The following SLC22A23 variants were observed in gnomAD, a reference collection of about 807,000 sequenced individuals.
The protein encoded by SLC22A23 is solute carrier family 22 member 23, also known as ion transporter protein.
In SLC22A23, 26 loss-of-function variants were observed where a neutral mutation model predicts 61.0. The ratio of observed to expected loss-of-function variants is 0.43; its 90% confidence interval spans 0.31 to 0.59. The LOEUF (loss-of-function observed/expected upper bound fraction) is 0.59, where lower values mean the gene tolerates loss of function less well. Ranked by LOEUF, SLC22A23 falls within the 20% of genes least tolerant of loss-of-function variation. SLC22A23 has a pLI of 0.11. For synonymous variants in SLC22A23, 430 were observed against 413.9 expected (o/e 1.04, Z -0.47); for missense variants, 796 against 934.7 (o/e 0.85, Z 1.94).
intron 1 of SLC22A23, among the ~76,000 whole-genome samples, chr6:3,448,572 C>A (rs1370329919): frequency 1.3e-5 from 2 of 152,122 alleles, no homozygotes. Flanking sequence ...CCGCTCACTG[C>A]AAGCTCCGCC....
rs146455324 is a variant in SLC22A23 at position 3,380,603 on chromosome 6, A to G, written c.913+29585T>C. On this transcript the variant is annotated intron_variant, in intron 3 of 9. Coordinates refer to ENST00000406686, the MANE Select transcript of SLC22A23 (RefSeq NM_015482.2). ...AAAACTCTATACACCCAAAGTCAAC[A>G]CTAACATCCTTTCATGCTAGTACTA... Among the ~76,000 whole-genome samples, 11 of 152,226 alleles carry G rather than the reference A, an allele frequency of 7.2e-5. No homozygotes were observed. In the East Asian group the frequency reaches 2.1e-3, roughly 29 times the overall value.
chr6:3,341,797 G>A (rs991772704), intron 3 of SLC22A23, among the ~76,000 whole-genome samples: 4 of 151,904 alleles, frequency 2.6e-5, no homozygotes, highest in Admixed American at 6.6e-5. Context: ...GCGGGGGAGC[G>A]CAGGAAACTG....
At chr6:3,311,993 A>AACGC (rs1762389360) in intron 4 of SLC22A23, 1 of 152,226 alleles carries the variant, frequency 6.6e-6, no homozygotes, top group Non-Finnish European at 1.5e-5. Context: ...ACTCAGGGCT[A>AACGC]ACGCTCACTG....
intron 2 of SLC22A23, among the ~76,000 whole-genome samples, chr6:3,413,809 C>T (rs1051730170): frequency 5.9e-5 from 9 of 152,098 alleles, no homozygotes; most frequent in Non-Finnish European, 1.2e-4. Flanking sequence ...AGTCAAATGC[C>T]AGAAAATGGA....
intron 3 of SLC22A23, among the ~76,000 whole-genome samples, chr6:3,395,849 A>G (rs1767969910): frequency 6.6e-6 from 1 of 152,240 alleles, no homozygotes; most frequent in Non-Finnish European, 1.5e-5. Context: ...CTGTTTCAGG[A>G]AAAGACTATT....
At chr6:3,281,031 C>G (rs928309798) in intron 9 of SLC22A23, among the ~76,000 whole-genome samples, 1 of 152,176 alleles carries the variant, frequency 6.6e-6, no homozygotes, top group African/African-American at 2.4e-5. Flanking sequence ...ATCACCAGCG[C>G]CTGCCTCCTC....
chr6:3,456,398 G>A lies in SLC22A23; in HGVS notation c.162C>T (p.Pro54=). The change falls in exon 1 of 10, where the codon CCC becomes CCT. Residue 54 remains proline (P), a synonymous_variant. Coordinates refer to ENST00000406686, the MANE Select transcript of SLC22A23 (RefSeq NM_015482.2). The surrounding 1 kb of genome is among the most constrained non-coding windows in gnomAD (Gnocchi z 7.1). ...GCGGGCCGCCTCCAGGATGCAGTGGGGGCAGCGGCTGGATCTCCGCGCCGC... is the reference window on the plus strand; with the variant it reads ...GCGGGCCGCCTCCAGGATGCAGTGGAGGCAGCGGCTGGATCTCCGCGCCGC... ...PGGGAEIQPL[P]PLHPGGGPHP... 6.7e-7 allele frequency: 1 copy of A among 1,497,926 alleles called. No individual in the cohort carries two copies. The highest frequency in any genetic ancestry group is 8.9e-7 in the Non-Finnish European group (1 of 1,119,928). 92.8% of individuals were successfully genotyped at this position (1,497,926 alleles called of 1,614,324 possible).
rs184445349 is a variant in SLC22A23 at position 3,329,702 on chromosome 6, C to T, written c.914-5700G>A. ...ACCACATGAGGTGGTCATGAGAAAA[C>T]GACACTCACGAAGCACTCGAGCGCA... On this transcript the variant is annotated intron_variant, in intron 3 of 9. Coordinates refer to ENST00000406686, the MANE Select transcript of SLC22A23 (RefSeq NM_015482.2). The surrounding 1 kb of genome is among the most constrained non-coding windows in gnomAD (Gnocchi z 4.8). 4.9e-4 allele frequency among the ~76,000 whole-genome samples: 75 copies of T among 152,252 alleles called. No individual in the cohort carries two copies. The highest frequency in any genetic ancestry group is 9.6e-4 in the Non-Finnish European group (65 of 68,014).
chr6:3,320,200 G>A (rs919838883), intron 4 of SLC22A23, among the ~76,000 whole-genome samples: 40 of 152,204 alleles, frequency 2.6e-4, no homozygotes, highest in African/African-American at 8.4e-4. Context: ...TTGACACCTG[G>A]GAACTTCCCC....
chr6:3,382,367 T>C (rs1390138456), intron 3 of SLC22A23, among the ~76,000 whole-genome samples: 1 of 152,262 alleles, frequency 6.6e-6, no homozygotes, highest in African/African-American at 2.4e-5. Flanking sequence ...ATGCATAACA[T>C]ACTGACCCTT....
At chr6:3,380,177 T>G (rs1312598629) in intron 3 of SLC22A23, among the ~76,000 whole-genome samples, 1 of 152,062 alleles carries the variant, frequency 6.6e-6, no homozygotes, top group African/African-American at 2.4e-5. Flanking sequence ...TAGGGGTGAG[T>G]GGCTTACCCA....
At chr6:3,445,050 T>G in intron 1 of SLC22A23, 1 of 878,734 alleles carries the variant, frequency 1.1e-6, no homozygotes, top group Non-Finnish European at 1.4e-6. Context: ...TTCCCAGTGT[T>G]CTGCGTCTGT....
chr6:3,363,212 A>G (rs963584731), intron 3 of SLC22A23, among the ~76,000 whole-genome samples: 4 of 152,226 alleles, frequency 2.6e-5, no homozygotes, highest in African/African-American at 9.6e-5. Context: ...TCTCCCCTCT[A>G]CCAAAGTCAG....
intron 9 of SLC22A23, among the ~76,000 whole-genome samples, chr6:3,273,900 T>C (rs1460165413): frequency 2.6e-5 from 4 of 152,202 alleles, no homozygotes; most frequent in Non-Finnish European, 5.9e-5. Flanking sequence ...TTGTCATAAC[T>C]GGAGAGACTG....
intron 5 of SLC22A23, among the ~76,000 whole-genome samples, chr6:3,293,273 G>A (rs1459599039): frequency 6.6e-6 from 1 of 152,196 alleles, no homozygotes; most frequent in Non-Finnish European, 1.5e-5. Flanking sequence ...AGAATGAAAG[G>A]GAAGAAGGGA....
At chr6:3,446,621 T>G (rs911487304) in intron 1 of SLC22A23, among the ~76,000 whole-genome samples, 1 of 152,130 alleles carries the variant, frequency 6.6e-6, no homozygotes, top group African/African-American at 2.4e-5. Context: ...GAGCTTCCAG[T>G]AGGACTTCCC....
intron 3 of SLC22A23, among the ~76,000 whole-genome samples, chr6:3,362,446 C>A (rs1765539672): frequency 8.6e-6 from 1 of 115,874 alleles, no homozygotes; most frequent in South Asian, 2.6e-4. Flanking sequence ...TAAAAATTAG[C>A]ATGCATTTTC....
intron 4 of SLC22A23, 104 bp downstream of exon 4, chr6:3,323,730 G>T: frequency 1.5e-6 from 2 of 1,301,922 alleles, no homozygotes; most frequent in Non-Finnish European, 2.1e-6. Context: ...ACCACAAGCT[G>T]CAACTAGTGG....
At chr6:3,394,973 T>C (rs1429610741) in intron 3 of SLC22A23, among the ~76,000 whole-genome samples, 2 of 152,030 alleles carry the variant, frequency 1.3e-5, no homozygotes, top group Admixed American at 6.6e-5. Flanking sequence ...AACCCAGTGA[T>C]GAAAAGCAGG....
Sources: gnomAD v4.1 joint callset for allele counts (sites outside exome capture counted in the v4.1 genomes callset) on GRCh38, gnomAD v4.1.1 for gene constraint, Gnocchi (gnomAD v3.1) non-coding constraint, MANE v1.5 for transcripts, NCBI Gene and HGNC (gene_info 2026-07-23, HGNC 2026-07-21) for gene names.